CSMD1: variants seen among roughly 807,000 people sequenced by gnomAD.
CSMD1 encodes the protein CUB and Sushi multiple domains 1.
Under a neutral mutation model 417.5 loss-of-function variants are expected in CSMD1, and 213 were observed. That is an observed-to-expected ratio of 0.51 (90% CI 0.46 to 0.57). The LOEUF (loss-of-function observed/expected upper bound fraction) is 0.57. Ranked by LOEUF, CSMD1 falls within the 20% of genes least tolerant of loss-of-function variation. CSMD1 has a pLI of 0.00. For synonymous variants in CSMD1, 2,862 were observed against 1,736.8 expected (o/e 1.65, Z -16.11); for missense variants, 6,923 against 4,529.7 (o/e 1.53, Z -15.17).
chr8:3,249,706 A>C (rs1800131674), intron 26 of CSMD1, among the ~76,000 whole-genome samples: 1 of 152,234 alleles, frequency 6.6e-6, no homozygotes, highest in Admixed American at 6.5e-5. Flanking sequence ...AAAAGAAATA[A>C]TAGACATTTA....
At chr8:4,732,843 G>C (rs1563245771) in intron 1 of CSMD1, among the ~76,000 whole-genome samples, 1 of 152,154 alleles carries the variant, frequency 6.6e-6, no homozygotes, top group South Asian at 2.1e-4. Context: ...TTGCAGGCTA[G>C]TTGACATCCA....
chr8:3,502,236 G>C (rs982555842), intron 10 of CSMD1, among the ~76,000 whole-genome samples: 2 of 151,454 alleles, frequency 1.3e-5, no homozygotes, highest in African/African-American at 4.9e-5. Flanking sequence ...ATGGTGGTGG[G>C]CGCCTGTAGT....
chr8:4,135,313 G>A (rs116508154), intron 3 of CSMD1, among the ~76,000 whole-genome samples: 1 of 133,340 alleles, frequency 7.5e-6, no homozygotes, highest in Non-Finnish European at 1.6e-5. Flanking sequence ...AGGAAGAAAG[G>A]AGGGAGGAGC....
intron 5 of CSMD1, among the ~76,000 whole-genome samples, chr8:3,920,872 G>C (rs899572821): frequency 2.6e-5 from 4 of 152,060 alleles, no homozygotes; most frequent in African/African-American, 9.7e-5. Flanking sequence ...AATTCATTTT[G>C]CTAGTGTTTT....
In CSMD1 at chr8:3,928,531, C is replaced by T. The variant is rs547465769; in HGVS notation, c.818+69372G>A. Among the ~76,000 whole-genome samples, 8 of 135,806 alleles carry T rather than the reference C, an allele frequency of 5.9e-5. 1 individual carries two copies. The highest frequency in any genetic ancestry group is 1.2e-4 in the Non-Finnish European group (7 of 60,768). The allele number at this position is 135,806 out of a possible 152,430, so 89.1% of individuals were successfully genotyped here. On this transcript the variant is annotated intron_variant, in intron 5 of 69. Coordinates refer to ENST00000635120, the MANE Select transcript of CSMD1 (RefSeq NM_033225.6). ...TGCCCAGCTGCATTCACAGGTTTCA[C>T]GGCCGTTTGTAGGCTTCGGTACTGT... is the stretch of plus-strand genomic sequence containing the variant.
At chr8:4,453,672 C>A (rs975523377) in intron 2 of CSMD1, among the ~76,000 whole-genome samples, 3 of 152,036 alleles carry the variant, frequency 2.0e-5, no homozygotes, top group Non-Finnish European at 2.9e-5. Context: ...CTGCAGGTCC[C>A]GCAGTCTACA....
intron 8 of CSMD1, among the ~76,000 whole-genome samples, chr8:3,595,741 T>G (rs935944308): frequency 5.9e-5 from 9 of 152,214 alleles, no homozygotes; most frequent in African/African-American, 2.2e-4. Flanking sequence ...ATGTTATAAG[T>G]TCATGTAAAC....
intron 3 of CSMD1, among the ~76,000 whole-genome samples, chr8:4,061,286 G>C (rs541867437): frequency 7.2e-5 from 11 of 152,140 alleles, no homozygotes; most frequent in African/African-American, 2.7e-4. Context: ...TTCACAGAGA[G>C]GTACATCTTA....
At chr8:4,771,018 A>G (rs1225829095) in intron 1 of CSMD1, among the ~76,000 whole-genome samples, 2 of 152,240 alleles carry the variant, frequency 1.3e-5, no homozygotes, top group African/African-American at 4.8e-5. Context: ...ATGAAAAGGC[A>G]ACTTACAGAT....
intron 1 of CSMD1, among the ~76,000 whole-genome samples, chr8:4,820,363 A>C (rs771991949): frequency 1.3e-5 from 2 of 152,164 alleles, no homozygotes; most frequent in Non-Finnish European, 2.9e-5. Context: ...ACTCATATGC[A>C]CTTCTATGAT....
intron 5 of CSMD1, among the ~76,000 whole-genome samples, chr8:3,790,843 C>A (rs2623680): frequency 6.6e-6 from 1 of 152,162 alleles, no homozygotes; most frequent in East Asian, 1.9e-4. Flanking sequence ...CCTGAGTAAC[C>A]GTCCCTCTCC....
intron 7 of CSMD1, among the ~76,000 whole-genome samples, chr8:3,688,812 A>G (rs1800078711): frequency 1.3e-5 from 2 of 152,188 alleles, no homozygotes; most frequent in African/African-American, 4.8e-5. Flanking sequence ...TAGTAAATAA[A>G]ACAGTGTAAT....
In CSMD1 at chr8:4,227,301, G is replaced by A. The variant is rs185150746; in HGVS notation, c.415+192652C>T. Among the ~76,000 whole-genome samples, 5 of 152,200 alleles carry A rather than the reference G, an allele frequency of 3.3e-5. No homozygotes were observed. The East Asian group carries it at 5.8e-4, about 18-fold the overall frequency. The stretch of plus-strand genomic sequence containing the variant: ...CATATCCCCTCGGTCTGCCTTGGGG[G>A]CTGTCGTGGCCTCTCCCACCACTCA... On this transcript the variant is annotated intron_variant, in intron 3 of 69. Coordinates refer to ENST00000635120, the MANE Select transcript of CSMD1 (RefSeq NM_033225.6).
chr8:4,453,439 G>C (rs1430404783), intron 2 of CSMD1, among the ~76,000 whole-genome samples: 2 of 152,220 alleles, frequency 1.3e-5, no homozygotes, highest in Non-Finnish European at 2.9e-5. Flanking sequence ...AGTCACCCGT[G>C]TGTTGGTGCA....
chr8:4,432,328 C>A (rs1019534912), intron 2 of CSMD1, among the ~76,000 whole-genome samples: 2 of 152,142 alleles, frequency 1.3e-5, no homozygotes, highest in South Asian at 4.1e-4. Context: ...AAGTAACTTA[C>A]TCAAAGGACT....
At chr8:4,660,849 A>T (rs1336641543) in intron 1 of CSMD1, among the ~76,000 whole-genome samples, 1 of 152,174 alleles carries the variant, frequency 6.6e-6, no homozygotes, top group Non-Finnish European at 1.5e-5. Context: ...CAGATGGCAA[A>T]TACCATGTTA....
chr8:4,082,372 G>A (rs771813668), intron 3 of CSMD1, among the ~76,000 whole-genome samples: 2 of 152,230 alleles, frequency 1.3e-5, no homozygotes, highest in South Asian at 2.1e-4. Context: ...TTTCACTGGT[G>A]AGTTCTGCCG....
intron 3 of CSMD1, among the ~76,000 whole-genome samples, chr8:4,128,148 G>C (rs527332992): frequency 9.5e-4 from 144 of 152,032 alleles, no homozygotes; most frequent in Non-Finnish European, 1.6e-3. Flanking sequence ...CCCACCTCTG[G>C]AGAAAAGTTT....
intron 2 of CSMD1, among the ~76,000 whole-genome samples, chr8:4,514,447 AT>A (rs1305848398): frequency 6.6e-6 from 1 of 152,170 alleles, no homozygotes; most frequent in Non-Finnish European, 1.5e-5. Flanking sequence ...AAAGCCTGAT[AT>A]GCATTTTTAA....
Sources: allele counts gnomAD v4.1 joint callset (sites outside exome capture counted in the v4.1 genomes callset), GRCh38; gene constraint gnomAD v4.1.1; transcripts MANE v1.5; gene names NCBI Gene and HGNC (gene_info 2026-07-23, HGNC 2026-07-21).